ZMIZ1: variants seen among roughly 807,000 people sequenced by gnomAD.
ZMIZ1 encodes zinc finger MIZ-type containing 1, also known as zinc finger MIZ domain-containing protein 1.
In ZMIZ1, 17 loss-of-function variants were observed where a neutral mutation model predicts 113.9. The ratio of observed to expected loss-of-function variants is 0.15; its 90% confidence interval spans 0.10 to 0.22. The LOEUF is 0.22. Ranked by LOEUF, ZMIZ1 falls within the 10% of genes least tolerant of loss-of-function variation. The pLI is 1.00. For missense variants in ZMIZ1, 1,059 were observed against 1,477.8 expected, an observed-to-expected ratio of 0.72 and a Z score of 4.65; for synonymous variants, 607 against 603.1, an observed-to-expected ratio of 1.01 and a Z score of -0.09.
At chr10:79,197,960 G>A (rs891161188) in intron 4 of ZMIZ1, among the ~76,000 whole-genome samples, 19 of 152,098 alleles carry the variant, frequency 1.2e-4, no homozygotes, top group Admixed American at 1.2e-3. Flanking sequence ...GCACAGTGTC[G>A]TTATTAAAAA....
chr10:79,077,767 G>A lies in ZMIZ1; in HGVS notation c.-337+8497G>A, dbSNP rs150824465. 4.4e-3 allele frequency among the ~76,000 whole-genome samples: 677 copies of A among 152,364 alleles called. 3 individuals are homozygous for A. Among genetic ancestry groups the A allele is most frequent in the South Asian group, 0.013 (63 of 4,832 alleles). On this transcript the variant is annotated intron_variant, in intron 1 of 24. Coordinates refer to ENST00000334512, the MANE Select transcript of ZMIZ1 (RefSeq NM_020338.4). ...TCTGTAAAACAGGCTTACTAGTGGT[G>A]TAGTAATAACTAACATACTACCTCC...
chr10:79,269,850 A>G (rs1851844873), intron 7 of ZMIZ1, among the ~76,000 whole-genome samples: 1 of 152,164 alleles, frequency 6.6e-6, no homozygotes, highest in Admixed American at 6.5e-5. Flanking sequence ...CAGCCTGGCG[A>G]GGAAGCCTTT....
chr10:79,246,965 G>A (rs559138456), intron 7 of ZMIZ1, among the ~76,000 whole-genome samples: 17 of 152,344 alleles, frequency 1.1e-4, no homozygotes, highest in Admixed American at 2.6e-4. Flanking sequence ...CAGTGGGAAC[G>A]TGTGGTTTAT....
intron 8 of ZMIZ1, among the ~76,000 whole-genome samples, chr10:79,279,143 G>A (rs1297459098): frequency 5.3e-5 from 8 of 151,670 alleles, no homozygotes; most frequent in African/African-American, 9.7e-5. Context: ...CTGGCCGGAC[G>A]GGGGCTGCCC....
chr10:79,227,772 C>T (rs936133920), intron 7 of ZMIZ1, among the ~76,000 whole-genome samples: 3 of 152,220 alleles, frequency 2.0e-5, no homozygotes, highest in African/African-American at 4.8e-5. Flanking sequence ...ATGCCAGTCA[C>T]ACCACCTCCA....
chr10:79,304,279 G>A, intron 19 of ZMIZ1, 104 bp downstream of exon 19: 1 of 1,408,272 alleles, frequency 7.1e-7, no homozygotes, highest in African/African-American at 1.4e-5. Flanking sequence ...ACACTGTCCT[G>A]AAGGACGTCA....
intron 4 of ZMIZ1, among the ~76,000 whole-genome samples, chr10:79,177,681 C>A (rs1257240960): frequency 1.3e-5 from 2 of 152,262 alleles, no homozygotes; most frequent in African/African-American, 4.8e-5. Flanking sequence ...CTGCCTAACC[C>A]AACATGAGCT....
At chr10:79,168,452 C>T (rs1049641522) in intron 4 of ZMIZ1, among the ~76,000 whole-genome samples, 1 of 152,176 alleles carries the variant, frequency 6.6e-6, no homozygotes, top group African/African-American at 2.4e-5. Flanking sequence ...AGACTGTATA[C>T]TCCTTGAAAG....
intron 1 of ZMIZ1, among the ~76,000 whole-genome samples, chr10:79,089,315 C>A (rs981799695): frequency 1.3e-5 from 2 of 152,248 alleles, no homozygotes; most frequent in Non-Finnish European, 2.9e-5. Context: ...AAGCCCTTGG[C>A]TCTTGTGCAA....
chr10:79,277,152 A>G, intron 7 of ZMIZ1, 29 bp from the exon 8 acceptor site: 1 of 1,479,812 alleles, frequency 6.8e-7, no homozygotes. Context: ...ATGAACAAGC[A>G]CCCACTGACT....
intron 7 of ZMIZ1, among the ~76,000 whole-genome samples, chr10:79,252,597 C>T (rs571610365): frequency 6.6e-6 from 1 of 152,316 alleles, no homozygotes; most frequent in African/African-American, 2.4e-5. Context: ...TGATCTTGTG[C>T]TTGAGATGTC....
rs753593274 is a variant in ZMIZ1, at chr10:79,296,704, C to T, written c.1413+51C>T. The T allele has an allele frequency of 6.7e-7, 1 of 1,485,948 alleles. No individual in the cohort carries two copies. The highest frequency in any genetic ancestry group is 9.0e-7 in the Non-Finnish European group (1 of 1,108,492). The allele number at this position is 1,485,948 out of a possible 1,614,324, so 92.0% of individuals were successfully genotyped here. On this transcript the variant is annotated intron_variant, in intron 13 of 24. Transcript: ENST00000334512. This position sits in a 1 kb window ranked among gnomAD's most constrained non-coding sequence, Gnocchi z 4.1. ...ACGGGGCCCCTTCCCTCCTAACCAC[C>T]TCACTCCCCTAACTCCACCGGGATC...
intron 8 of ZMIZ1, among the ~76,000 whole-genome samples, chr10:79,279,129 G>T (rs1370729688): frequency 6.7e-6 from 1 of 150,194 alleles, no homozygotes; most frequent in South Asian, 2.1e-4. Flanking sequence ...CCCGGACGGG[G>T]CGGCTGGCCG....
chr10:79,211,846 G>A (rs539193379), intron 6 of ZMIZ1, among the ~76,000 whole-genome samples: 34 of 152,372 alleles, frequency 2.2e-4, no homozygotes, highest in African/African-American at 7.9e-4. Context: ...CTTAGGGAAC[G>A]GCGGAAGACA....
intron 4 of ZMIZ1, among the ~76,000 whole-genome samples, chr10:79,177,190 C>G (rs1275011567): frequency 3.9e-5 from 6 of 152,178 alleles, no homozygotes; most frequent in Non-Finnish European, 8.8e-5. Context: ...CTCAGTGTGG[C>G]CTTGGAAAGC....
chr10:79,100,512 G>A (rs776129774), intron 1 of ZMIZ1, among the ~76,000 whole-genome samples: 3 of 152,096 alleles, frequency 2.0e-5, no homozygotes, highest in Middle Eastern at 3.5e-3. Flanking sequence ...TGGGAGCTCA[G>A]TGGGGGCCTG....
At chr10:79,277,116 G>A in intron 7 of ZMIZ1, 65 bp from the exon 8 acceptor site, 1 of 1,446,826 alleles carries the variant, frequency 6.9e-7, no homozygotes, top group Non-Finnish European at 9.1e-7. Flanking sequence ...GAGAGTTGGG[G>A]GGGGGTCTTG....
rs904217283 is a variant in ZMIZ1 at position 79,176,404 on chromosome 10, G to T, written c.-50+14271G>T. On this transcript the variant is annotated intron_variant, in intron 4 of 24. Coordinates refer to ENST00000334512, the MANE Select transcript of ZMIZ1 (RefSeq NM_020338.4). Reference sequence around the variant, plus strand: ...TGGAGCTGACAGTCTGGCAGGGGAGGAGAGAGGCATAGATCTTAGAGCTCC... The same window carrying T: ...TGGAGCTGACAGTCTGGCAGGGGAGTAGAGAGGCATAGATCTTAGAGCTCC... 4.6e-5 allele frequency among the ~76,000 whole-genome samples: 7 copies of T among 152,056 alleles called. No homozygotes were observed. The East Asian group carries it at 1.3e-3, about 29-fold the overall frequency.
chr10:79,089,082 A>C (rs1397798425), intron 1 of ZMIZ1, among the ~76,000 whole-genome samples: 1 of 152,168 alleles, frequency 6.6e-6, no homozygotes, highest in Non-Finnish European at 1.5e-5. Context: ...TCCTGTGGAC[A>C]TGGTTGTCTG....
Sources: gnomAD v4.1 joint callset for allele counts (sites outside exome capture counted in the v4.1 genomes callset) on GRCh38, gnomAD v4.1.1 for gene constraint, Gnocchi (gnomAD v3.1) non-coding constraint, MANE v1.5 for transcripts, NCBI Gene and HGNC (gene_info 2026-07-23, HGNC 2026-07-21) for gene names.